CMIP: variants seen among roughly 807,000 people sequenced by gnomAD.
CMIP encodes c-Maf inducing protein.
Under a neutral mutation model 97.3 loss-of-function variants are expected in CMIP, and 13 were observed. The observed-to-expected ratio is 0.13, with a 90% CI of 0.09 to 0.21. CMIP has a LOEUF of 0.21. Ranked by LOEUF, CMIP falls within the 10% of genes least tolerant of loss-of-function variation. CMIP has a pLI of 1.00. For missense variants in CMIP, 847 were observed against 1,024.9 expected (o/e 0.83, Z 2.37); for synonymous variants, 538 against 436.3 (o/e 1.23, Z -2.91).
intron 1 of CMIP, among the ~76,000 whole-genome samples, chr16:81,511,097 C>T (rs1049453293): frequency 4.9e-4 from 75 of 152,186 alleles, no homozygotes; most frequent in Non-Finnish European, 1.9e-4. Flanking sequence ...TCATCTGCTT[C>T]AACAGTTCCC....
In CMIP at chr16:81,711,678, G is replaced by C. The variant is rs1908795774; in HGVS notation, c.*1879G>C. ...TTCCCCTCGCACTGTTGCTTTTCCT[G>C]ATGGTTAATACTACTGTCACGTAGC... On this transcript the variant is annotated 3_prime_UTR_variant, in exon 21 of 21. Transcript: ENST00000537098. 6.6e-6 allele frequency: 1 copy of C among 152,198 alleles called. No individual in the cohort carries two copies. The highest frequency in any genetic ancestry group is 2.1e-4 in the South Asian group (1 of 4,804). 9.4% of individuals were successfully genotyped at this position (152,198 alleles called of 1,614,324 possible).
chr16:81,669,389 TCTCA>T (rs1222393788), intron 7 of CMIP, among the ~76,000 whole-genome samples: 1 of 60,134 alleles, frequency 1.7e-5, no homozygotes, highest in Non-Finnish European at 3.7e-5. Flanking sequence ...CACACCCACC[TCTCA>T]CACTCACCTC....
intron 1 of CMIP, among the ~76,000 whole-genome samples, chr16:81,568,459 G>A (rs999934733): frequency 1.3e-5 from 2 of 152,178 alleles, no homozygotes; most frequent in African/African-American, 4.8e-5. Flanking sequence ...TTGTGGCTGG[G>A]GCCCCGGGCA....
chr16:81,521,449 A>G (rs1171489392), intron 1 of CMIP, among the ~76,000 whole-genome samples: 1 of 152,040 alleles, frequency 6.6e-6, no homozygotes, highest in African/African-American at 2.4e-5. Flanking sequence ...GTGACCGCCA[A>G]GGTCGGCTGC....
chr16:81,659,392 C>T (rs1019232850), intron 5 of CMIP, among the ~76,000 whole-genome samples: 1 of 151,930 alleles, frequency 6.6e-6, no homozygotes, highest in African/African-American at 2.4e-5. Flanking sequence ...AGGTACTTAA[C>T]CTCTGTCAGG....
chr16:81,465,868 G>A (rs1443678228), intron 1 of CMIP, among the ~76,000 whole-genome samples: 1 of 152,212 alleles, frequency 6.6e-6, no homozygotes, highest in African/African-American at 2.4e-5. Context: ...CAGGTGCCCG[G>A]CTGAGGGCTG....
In CMIP at chr16:81,705,622, A is replaced by T. The variant is rs1908044449; in HGVS notation, c.2197+18A>T. 2 of 1,541,406 alleles carry T rather than the reference A, an allele frequency of 1.3e-6. No homozygotes were observed. The highest frequency in any genetic ancestry group is 1.8e-6 in the Non-Finnish European group (2 of 1,133,356). On this transcript the variant is annotated intron_variant, in intron 19 of 20. Transcript: ENST00000537098. ...CCTGAGCTGTGAGTGCCTCCGGGGC[A>T]GCTGGGGGGTGAGGGGCCGCTTGAT...
chr16:81,574,960 G>C (rs1301599758), intron 1 of CMIP, among the ~76,000 whole-genome samples: 1 of 152,212 alleles, frequency 6.6e-6, no homozygotes, highest in Non-Finnish European at 1.5e-5. Context: ...CTTGTTCTGA[G>C]CTCTTGCTCA....
In CMIP at chr16:81,457,866, G is replaced by A. The variant is rs1193519804; in HGVS notation, c.300+12325G>A. ...TGGGGCCAAGAGCCGGTGGGCCACG[G>A]CACCCCAGGCCCCCAGAAGGAAATC... On this transcript the variant is annotated intron_variant, in intron 1 of 20. Transcript: ENST00000537098. 3.3e-5 allele frequency among the ~76,000 whole-genome samples: 5 copies of A among 152,306 alleles called. No homozygotes were observed. The East Asian group carries it at 9.7e-4, about 29-fold the overall frequency.
intron 1 of CMIP, among the ~76,000 whole-genome samples, chr16:81,589,350 G>A (rs1289928812): frequency 6.6e-6 from 1 of 152,110 alleles, no homozygotes; most frequent in East Asian, 1.9e-4. Context: ...ATCCTTCTTT[G>A]CCTCCCAAAA....
At chr16:81,651,039 A>T (rs1162391936) in intron 3 of CMIP, among the ~76,000 whole-genome samples, 6 of 152,074 alleles carry the variant, frequency 3.9e-5, no homozygotes, top group Admixed American at 3.3e-4. Flanking sequence ...GGCAGCTTCT[A>T]AGTTTCTGTT....
chr16:81,444,956 G>A lies in CMIP; in HGVS notation c.-286G>A, dbSNP rs959518177. On this transcript the variant is annotated 5_prime_UTR_variant, in exon 1 of 21. Transcript: ENST00000537098. ...CCCCGGCCCGCCCTCGGCCTCCCCC[G>A]CCCCTCCCCGTCGCCCGCCGAGCCC... Among the ~76,000 whole-genome samples the A allele has an allele frequency of 2.6e-5, 2 of 77,274 alleles. No individual in the cohort carries two copies. The highest frequency in any genetic ancestry group is 4.5e-4 in the South Asian group (1 of 2,200). The allele number at this position is 77,274 out of a possible 152,430, so 50.7% of individuals were successfully genotyped here.
chr16:81,507,485 T>C (rs1484890703), intron 1 of CMIP, among the ~76,000 whole-genome samples: 1 of 152,202 alleles, frequency 6.6e-6, no homozygotes, highest in Non-Finnish European at 1.5e-5. Flanking sequence ...TTAACTAATA[T>C]ATAATTTAGA....
rs370792194 is a variant in CMIP, at chr16:81,709,727, C to G, written c.2269-19C>G. On this transcript the variant is annotated intron_variant, in intron 20 of 20. Transcript: ENST00000537098. ...GGGAATGGCCTACACGTGACAAGGA[C>G]TCTTATTGCCACCCCCAGGCCAAGC... is the stretch of plus-strand genomic sequence containing the variant. The G allele has an allele frequency of 5.6e-6, 9 of 1,613,648 alleles. No homozygotes were observed. The highest frequency in any genetic ancestry group is 5.3e-5 in the African/African-American group (4 of 74,918).
intron 1 of CMIP, among the ~76,000 whole-genome samples, chr16:81,513,958 AGGCTT>A (rs2089861488): frequency 6.6e-6 from 1 of 151,944 alleles, no homozygotes; most frequent in East Asian, 1.9e-4. Context: ...GGCTAGAGGA[AGGCTT>A]TGTGTTTTGA....
At chr16:81,693,531 G>A (rs1200142133) in intron 13 of CMIP, 44 bp downstream of exon 13, 2 of 1,593,040 alleles carry the variant, frequency 1.3e-6, no homozygotes, top group Middle Eastern at 1.7e-4. Flanking sequence ...GTCTGGGGAT[G>A]GCAGGATGCA....
intron 6 of CMIP, among the ~76,000 whole-genome samples, chr16:81,662,011 A>T (rs1427962582): frequency 6.6e-6 from 1 of 152,020 alleles, no homozygotes; most frequent in Non-Finnish European, 1.5e-5. Context: ...GTGTGTGTGT[A>T]TACAGGTGTG....
chr16:81,704,094 TC>T lies in CMIP; in HGVS notation c.2091+12del. ...ACCTGTGGTCCACTCAGGTACGTCC[TC>T]CCGCCCTGCTGCAGTCCCCCACACC... On this transcript the variant is annotated intron_variant, in intron 18 of 20. Coordinates refer to ENST00000537098, the MANE Select transcript of CMIP (RefSeq NM_198390.3). 1 of 1,600,140 alleles carries T rather than the reference TC, an allele frequency of 6.2e-7. No homozygotes were observed.
intron 16 of CMIP, among the ~76,000 whole-genome samples, chr16:81,702,414 C>T (rs1260906491): frequency 6.6e-6 from 1 of 152,170 alleles, no homozygotes; most frequent in Non-Finnish European, 1.5e-5. Flanking sequence ...TCCCCACTCT[C>T]CCACTGGTGT....
Sources: allele counts gnomAD v4.1 joint callset (sites outside exome capture counted in the v4.1 genomes callset), GRCh38; gene constraint gnomAD v4.1.1; transcripts MANE v1.5; gene names NCBI Gene and HGNC (gene_info 2026-07-23, HGNC 2026-07-21).